R3HCC1L: variants seen among roughly 807,000 people sequenced by gnomAD.
The protein encoded by R3HCC1L is coiled-coil domain-containing protein R3HCC1L.
R3HCC1L carries 51 observed loss-of-function variants against 59.9 expected under a neutral mutation model. The observed-to-expected ratio is 0.85, with a 90% CI of 0.68 to 1.07. The LOEUF is 1.07. R3HCC1L is among the 50% of genes least tolerant of loss of function. The pLI is 0.00. For synonymous variants in R3HCC1L, 322 were observed against 315.2 expected, an observed-to-expected ratio of 1.02 and a Z score of -0.23; for missense variants, 965 against 933.0, an observed-to-expected ratio of 1.03 and a Z score of -0.45.
chr10:98,142,940 A>AC (rs1845297570), intron 1 of R3HCC1L, among the ~76,000 whole-genome samples: 3 of 151,104 alleles, frequency 2.0e-5, no homozygotes, highest in Non-Finnish European at 4.4e-5. Context: ...GTCTCCAAAA[A>AC]AAAACAAACA....
chr10:98,170,632 A>G (rs1848427535), intron 4 of R3HCC1L, among the ~76,000 whole-genome samples: 2 of 152,174 alleles, frequency 1.3e-5, no homozygotes, highest in African/African-American at 2.4e-5. Flanking sequence ...GGCTTCAGCT[A>G]TAAGATTTGA....
chr10:98,239,797 A>G (rs1027458863), intron 9 of R3HCC1L, among the ~76,000 whole-genome samples: 2 of 152,120 alleles, frequency 1.3e-5, no homozygotes, highest in Admixed American at 6.6e-5. Flanking sequence ...TCCCAGGCAT[A>G]AGGAATCCTT....
chr10:98,235,350 C>G (rs1405421584), intron 7 of R3HCC1L, 75 bp from the exon 8 acceptor site: 12 of 1,244,486 alleles, frequency 9.6e-6, no homozygotes, highest in Non-Finnish European at 1.4e-5. Flanking sequence ...CTAGGAAATA[C>G]TAAGAGCTAT....
chr10:98,239,863 A>T (rs966063511), intron 9 of R3HCC1L, among the ~76,000 whole-genome samples: 3 of 151,950 alleles, frequency 2.0e-5, no homozygotes, highest in African/African-American at 7.2e-5. Flanking sequence ...ATGCTGGCTA[A>T]TTTTTTCCTT....
chr10:98,209,654 G>A lies in R3HCC1L; in HGVS notation c.1540G>A (p.Asp514Asn). 6.2e-7 allele frequency: 1 copy of A among 1,613,978 alleles called. No individual in the cohort carries two copies. Among genetic ancestry groups the A allele is most frequent in the Non-Finnish European group, 8.5e-7 (1 of 1,179,950 alleles). The change falls in exon 5 of 10, where the codon GAT becomes AAT. Residue 514 changes from aspartate to asparagine, a missense_variant. Asp to Asn is a conservative substitution (Grantham distance 23). Coordinates refer to ENST00000298999, the MANE Select transcript of R3HCC1L (RefSeq NM_001351015.2). ...AVGIDLGSTG[D>N]TTEALHELRT... ...GGGCATTGACCTGGGTAGTACTGGT[G>A]ATACAACAGAAGCATTGCACGAACT...
chr10:98,215,117 A>G (rs1294263849), intron 5 of R3HCC1L, among the ~76,000 whole-genome samples: 1 of 152,176 alleles, frequency 6.6e-6, no homozygotes, highest in Non-Finnish European at 1.5e-5. Flanking sequence ...CAGTCAACAG[A>G]TATTGAACAA....
intron 2 of R3HCC1L, among the ~76,000 whole-genome samples, chr10:98,158,321 A>G (rs1564628040): frequency 1.3e-5 from 2 of 152,172 alleles, no homozygotes; most frequent in African/African-American, 2.4e-5. Context: ...CCTAGAGATT[A>G]TATTCTCATT....
chr10:98,173,982 T>G (rs766281889), intron 4 of R3HCC1L, among the ~76,000 whole-genome samples: 3 of 152,224 alleles, frequency 2.0e-5, no homozygotes, highest in Non-Finnish European at 4.4e-5. Flanking sequence ...ATTGCCCACC[T>G]GCTATGCCTG....
chr10:98,186,155 G>A (rs1418929950), intron 4 of R3HCC1L, among the ~76,000 whole-genome samples: 2 of 152,108 alleles, frequency 1.3e-5, no homozygotes, highest in Non-Finnish European at 1.5e-5. Flanking sequence ...CATAATTATC[G>A]TTTATGTATG....
intron 5 of R3HCC1L, among the ~76,000 whole-genome samples, chr10:98,227,539 C>G (rs1376674169): frequency 6.7e-6 from 1 of 149,266 alleles, no homozygotes; most frequent in East Asian, 2.0e-4. Flanking sequence ...AAAATATTAT[C>G]TAAGGATCTG....
intron 4 of R3HCC1L, among the ~76,000 whole-genome samples, chr10:98,199,473 G>C (rs1208405465): frequency 6.6e-6 from 1 of 151,448 alleles, no homozygotes; most frequent in Non-Finnish European, 1.5e-5. Context: ...AATACTGCCT[G>C]TTCTTTTTGT....
At chr10:98,203,918 C>T (rs1446167019) in intron 4 of R3HCC1L, among the ~76,000 whole-genome samples, 1 of 152,110 alleles carries the variant, frequency 6.6e-6, no homozygotes, top group Non-Finnish European at 1.5e-5. Flanking sequence ...ATTGACTGAC[C>T]TCCATTATGA....
chr10:98,228,080 C>A (rs1041612962), intron 5 of R3HCC1L, among the ~76,000 whole-genome samples: 8 of 152,152 alleles, frequency 5.3e-5, no homozygotes, highest in African/African-American at 1.7e-4. Flanking sequence ...GATTTATAAT[C>A]CTTTGGGTAT....
chr10:98,209,378 G>A lies in R3HCC1L; in HGVS notation c.1264G>A (p.Ala422Thr), dbSNP rs1467619208. 1.2e-6 allele frequency: 2 copies of A among 1,613,822 alleles called. No homozygotes were observed. ...AAAGTTTGTAGGAATGAGTGCAGAT[G>A]CAACCCCTCTTCATGTAGCTAGAAG... ...FSKFVGMSADATPLHVARSGN... is the reference protein window; with the variant it reads ...FSKFVGMSADTTPLHVARSGN... Residue 422 changes from alanine (A) to threonine (T), a missense_variant, in exon 5 of 10, where the codon GCA (alanine) becomes ACA (threonine). By Grantham distance (58) the Ala-to-Thr change is moderately conservative. Transcript: ENST00000298999.
At chr10:98,230,146 A>G (rs994248427) in intron 5 of R3HCC1L, among the ~76,000 whole-genome samples, 2 of 152,206 alleles carry the variant, frequency 1.3e-5, no homozygotes, top group Admixed American at 6.5e-5. Context: ...GAATAGTTTC[A>G]GAAGGAATGG....
intron 4 of R3HCC1L, among the ~76,000 whole-genome samples, chr10:98,202,437 C>T (rs1038566659): frequency 3.3e-5 from 5 of 152,080 alleles, no homozygotes; most frequent in Non-Finnish European, 7.4e-5. Flanking sequence ...AAATCATGTG[C>T]CTCAAGATGT....
intron 6 of R3HCC1L, among the ~76,000 whole-genome samples, chr10:98,233,653 G>A (rs1168106613): frequency 1.3e-5 from 2 of 152,144 alleles, no homozygotes; most frequent in Admixed American, 6.5e-5. Context: ...GCTCTTAGCT[G>A]AAAAATATAA....
chr10:98,192,671 C>T (rs1850992548), intron 4 of R3HCC1L, among the ~76,000 whole-genome samples: 1 of 152,026 alleles, frequency 6.6e-6, no homozygotes, highest in South Asian at 2.1e-4. Context: ...CAAAGAAAAG[C>T]CCAGGACCAC....
chr10:98,214,258 G>A (rs1282832805), intron 5 of R3HCC1L, among the ~76,000 whole-genome samples: 2 of 152,152 alleles, frequency 1.3e-5, no homozygotes, highest in African/African-American at 4.8e-5. Context: ...AAGGATTCTT[G>A]CCTGAAGATT....
Sources: gnomAD v4.1 joint callset for allele counts (sites outside exome capture counted in the v4.1 genomes callset) on GRCh38, gnomAD v4.1.1 for gene constraint, MANE v1.5 for transcripts, NCBI Gene and HGNC (gene_info 2026-07-23, HGNC 2026-07-21) for gene names.